The following RYR2 variants were observed in gnomAD, a reference collection of about 807,000 sequenced individuals.
RYR2 encodes the protein ryanodine receptor 2.
In RYR2, 227 loss-of-function variants were observed where a neutral mutation model predicts 601.1. The ratio of observed to expected loss-of-function variants is 0.38; its 90% confidence interval spans 0.34 to 0.42. RYR2 has a LOEUF of 0.42. RYR2 is among the 10% of genes least tolerant of loss of function. The probability of loss-of-function intolerance (pLI) is 1.00; values close to 1 mark genes in which losing one functional copy is unlikely to be tolerated. For missense variants in RYR2, 4,646 were observed against 6,156.5 expected, an observed-to-expected ratio of 0.75 and a Z score of 8.21; for synonymous variants, 2,223 against 2,175.1, an observed-to-expected ratio of 1.02 and a Z score of -0.61.
intron 29 of RYR2, among the ~76,000 whole-genome samples, chr1:237,580,256 A>G (rs1419618255): frequency 2.0e-5 from 3 of 149,786 alleles, no homozygotes; most frequent in South Asian, 4.2e-4. Context: ...CCCAGGTTCA[A>G]GGGATTCTCC....
intron 80 of RYR2, among the ~76,000 whole-genome samples, chr1:237,742,729 C>A (rs999523657): frequency 6.6e-6 from 1 of 152,094 alleles, no homozygotes; most frequent in Admixed American, 6.6e-5. Context: ...GATATTTTTT[C>A]CTGAATAGAA....
Position 237,272,874 on chromosome 1 carries a change from C to T in RYR2, c.168+2258C>T, listed in dbSNP as rs1689842688. Among the ~76,000 whole-genome samples, 3 of 151,950 alleles carry T rather than the reference C, an allele frequency of 2.0e-5. No homozygotes were observed. The South Asian group carries it at 6.2e-4, about 32-fold the overall frequency. On this transcript the variant is annotated intron_variant, in intron 2 of 104. Transcript: ENST00000366574. ...AATTAAAGAAAAACTAATTTTAGACCTGGAGACTGCATGAGAAGGGACACC... is the reference window on the plus strand; with the variant it reads ...AATTAAAGAAAAACTAATTTTAGACTTGGAGACTGCATGAGAAGGGACACC...
At chr1:237,117,718 T>C (rs1670275537) in intron 1 of RYR2, among the ~76,000 whole-genome samples, 1 of 147,508 alleles carries the variant, frequency 6.8e-6, no homozygotes, top group South Asian at 2.2e-4. Context: ...TTCTCTTCTC[T>C]TCTCTTCTCT....
chr1:237,708,337 A>G (rs925217141), intron 68 of RYR2, among the ~76,000 whole-genome samples: 4 of 152,064 alleles, frequency 2.6e-5, no homozygotes, highest in African/African-American at 7.2e-5. Flanking sequence ...TTTCAGGGGG[A>G]AAAAAGTCAT....
intron 83 of RYR2, among the ~76,000 whole-genome samples, chr1:237,760,086 T>A (rs895419548): frequency 6.6e-6 from 1 of 151,770 alleles, no homozygotes; most frequent in Non-Finnish European, 1.5e-5. Flanking sequence ...CCCATAGTAC[T>A]ATAATCCCAG....
intron 24 of RYR2, among the ~76,000 whole-genome samples, chr1:237,515,335 C>T (rs1224536926): frequency 6.6e-6 from 1 of 152,218 alleles, no homozygotes; most frequent in Admixed American, 6.5e-5. Flanking sequence ...ATGTAATACA[C>T]ATTCATAGAA....
chr1:237,081,780 AG>A (rs1665707808), intron 1 of RYR2, among the ~76,000 whole-genome samples: 1 of 152,072 alleles, frequency 6.6e-6, no homozygotes, highest in Admixed American at 6.6e-5. Flanking sequence ...TCCAGCCTAA[AG>A]AAACAAAACC....
intron 45 of RYR2, among the ~76,000 whole-genome samples, chr1:237,638,814 A>T (rs1159114673): frequency 6.6e-6 from 1 of 152,156 alleles, no homozygotes; most frequent in Admixed American, 6.5e-5. Context: ...ATAATGCTTT[A>T]CTCTGAAAAT....
chr1:237,609,755 A>G (rs1573096624), intron 35 of RYR2, among the ~76,000 whole-genome samples: 1 of 151,950 alleles, frequency 6.6e-6, no homozygotes, highest in African/African-American at 2.4e-5. Context: ...CCCCCATTCT[A>G]GCTTTCTGTC....
At chr1:237,225,311 G>A (rs752147867) in intron 1 of RYR2, among the ~76,000 whole-genome samples, 14 of 152,194 alleles carry the variant, frequency 9.2e-5, no homozygotes, top group East Asian at 1.9e-4. Flanking sequence ...CCGTTTTCGC[G>A]CTGCTCATAA....
At chr1:237,721,920 T>C (rs1046306626) in intron 73 of RYR2, among the ~76,000 whole-genome samples, 3 of 152,216 alleles carry the variant, frequency 2.0e-5, no homozygotes, top group African/African-American at 7.2e-5. Context: ...TTCTATGACT[T>C]ATAATAATGT....
At chr1:237,687,366 C>CTTTTTTTTTTTTTTTTTTTTTTTTCT (rs10679267) in intron 62 of RYR2, 89 bp from the exon 63 acceptor site, 3 of 259,118 alleles carry the variant, frequency 1.2e-5, no homozygotes, top group Non-Finnish European at 1.4e-5. Flanking sequence ...TTTTCTTCTT[C>CTTTTTTTTTTTTTTTTTTTTTTTTCT]TTTTTTTTTT....
At chr1:237,107,394 G>T (rs539307905) in intron 1 of RYR2, among the ~76,000 whole-genome samples, 31 of 151,066 alleles carry the variant, frequency 2.1e-4, no homozygotes, top group East Asian at 2.0e-4. Flanking sequence ...GGTGGCGGGC[G>T]CCTGTAGTCC....
At chr1:237,212,429 G>C (rs1302783712) in intron 1 of RYR2, among the ~76,000 whole-genome samples, 1 of 151,906 alleles carries the variant, frequency 6.6e-6, no homozygotes, top group Non-Finnish European at 1.5e-5. Context: ...TTATACATGT[G>C]TCTTTGAGAA....
chr1:237,400,918 G>A (rs1332536651), intron 10 of RYR2, among the ~76,000 whole-genome samples: 2 of 152,158 alleles, frequency 1.3e-5, no homozygotes, highest in African/African-American at 2.4e-5. Flanking sequence ...AGAATCATAG[G>A]ATGGAAATGG....
chr1:237,621,061 C>T (rs1679025863), intron 38 of RYR2, among the ~76,000 whole-genome samples: 1 of 152,008 alleles, frequency 6.6e-6, no homozygotes, highest in African/African-American at 2.4e-5. Context: ...AAATCATACA[C>T]ATTTTTTTAT....
Position 237,216,638 on chromosome 1 carries a change from G to A in RYR2, c.49-53859G>A, listed in dbSNP as rs189973657. On this transcript the variant is annotated intron_variant, in intron 1 of 104. Transcript: ENST00000366574. ...TGTAATCCCAGCTACTTAGAAGGCT[G>A]AGGCAGGAGAATGGCTTGAACCCAG... Among the ~76,000 whole-genome samples the A allele has an allele frequency of 2.8e-3, 423 of 151,926 alleles. 2 individuals are homozygous for A. Among genetic ancestry groups the A allele is most frequent in the African/African-American group, 9.8e-3 (408 of 41,438 alleles).
rs200574919 is a variant in RYR2 at position 237,590,715 on chromosome 1, A to G, written c.3883A>G (p.Ser1295Gly). 138 of 1,608,548 alleles carry G rather than the reference A, an allele frequency of 8.6e-5. No individual in the cohort carries two copies. Among genetic ancestry groups the G allele is most frequent in the Non-Finnish European group, 1.1e-4 (128 of 1,176,266 alleles). ...TCAGAAGTCTTTTGGTTCTCAGAAC[A>G]GCAACACTGATATCATGTTTTATCG... Reference protein sequence around the residue: ...VTQKSFGSQNSNTDIMFYRLS... With the variant: ...VTQKSFGSQNGNTDIMFYRLS... The change falls in exon 31 of 105, where the codon AGC becomes GGC. Residue 1295 changes from serine to glycine, a missense_variant. Physicochemically the swap from Ser to Gly is moderately conservative, Grantham distance 56 (BLOSUM62 0). This residue lies in a region of RYR2 where 1,807 missense variants were observed against 2,088.1 expected (regional missense o/e 0.87). Transcript: ENST00000366574.
chr1:237,690,990 A>G (rs929065064), intron 63 of RYR2, among the ~76,000 whole-genome samples: 3 of 152,194 alleles, frequency 2.0e-5, no homozygotes, highest in African/African-American at 4.8e-5. Context: ...TTGTTTGTAT[A>G]TGGTCATATT....
Sources: gnomAD v4.1 joint callset for allele counts (sites outside exome capture counted in the v4.1 genomes callset) on GRCh38, gnomAD v4.1.1 for gene constraint, gnomAD v4.1.1 regional missense constraint, MANE v1.5 for transcripts, NCBI Gene and HGNC (gene_info 2026-07-23, HGNC 2026-07-21) for gene names.